Variants in STXBP4 observed in about 807,000 individuals in gnomAD.
The protein encoded by STXBP4 is syntaxin binding protein 4, also known as syntaxin-binding protein 4.
A neutral mutation model predicts 76.1 loss-of-function variants in STXBP4; 55 were observed. The observed-to-expected ratio is 0.72, with a 90% confidence interval of 0.58 to 0.91. The LOEUF is 0.91. Ranked by LOEUF, STXBP4 falls within the 40% of genes least tolerant of loss-of-function variation. STXBP4 has a pLI of 0.00. For synonymous variants in STXBP4, 201 were observed against 220.2 expected, an observed-to-expected ratio of 0.91 and a Z score of 0.77; for missense variants, 618 against 636.9, an observed-to-expected ratio of 0.97 and a Z score of 0.32.
chr17:55,000,174 C>T, intron 6 of STXBP4: 3 of 980,390 alleles, frequency 3.1e-6, no homozygotes, highest in Non-Finnish European at 3.6e-6. Flanking sequence ...TTTCTGTTCT[C>T]TGCTTGACTG....
chr17:55,192,744 C>A, the STXBP4 span, among the ~76,000 whole-genome samples: 4 of 152,172 alleles, frequency 2.6e-5, no homozygotes, highest in Admixed American at 6.5e-5. Context: ...GCCCATTTTA[C>A]TGATGAAAAT....
the STXBP4 span, among the ~76,000 whole-genome samples, chr17:55,187,466 G>T: frequency 6.6e-6 from 1 of 151,962 alleles, no homozygotes; most frequent in East Asian, 1.9e-4. Flanking sequence ...GTTCTATGGA[G>T]CCCATTCTTA....
intron 16 of STXBP4, among the ~76,000 whole-genome samples, chr17:55,131,903 T>C (rs1428198234): frequency 1.3e-5 from 2 of 152,092 alleles, no homozygotes. Flanking sequence ...TCTGGGACTA[T>C]AAGTGCATGC....
At chr17:55,054,490 A>G (rs547097382) in intron 12 of STXBP4, among the ~76,000 whole-genome samples, 15 of 152,300 alleles carry the variant, frequency 9.8e-5, no homozygotes, top group African/African-American at 3.4e-4. Flanking sequence ...CATCTCAAAA[A>G]CAAAACAAAA....
intron 16 of STXBP4, among the ~76,000 whole-genome samples, chr17:55,108,627 C>T (rs1450998921): frequency 6.6e-6 from 1 of 152,212 alleles, no homozygotes; most frequent in Non-Finnish European, 1.5e-5. Flanking sequence ...TTCCTCACGG[C>T]ACAGTCCCTC....
chr17:55,027,410 A>C (rs1322945996), intron 8 of STXBP4, among the ~76,000 whole-genome samples: 3 of 152,304 alleles, frequency 2.0e-5, no homozygotes, highest in East Asian at 3.9e-4. Context: ...TTGGAGACTC[A>C]GAAGGGGGAT....
intron 16 of STXBP4, among the ~76,000 whole-genome samples, chr17:55,123,414 C>A (rs2079868494): frequency 6.6e-6 from 1 of 152,086 alleles, no homozygotes; most frequent in Non-Finnish European, 1.5e-5. Flanking sequence ...AAATTACTAT[C>A]ACTGGTCAAA....
chr17:55,033,150 C>T (rs924059364), intron 9 of STXBP4, among the ~76,000 whole-genome samples: 16 of 151,942 alleles, frequency 1.1e-4, no homozygotes, highest in Admixed American at 3.9e-4. Flanking sequence ...AAGGTGGGTG[C>T]GTCACCTGAG....
intron 4 of STXBP4, among the ~76,000 whole-genome samples, chr17:54,998,301 C>T (rs538947639): frequency 6.6e-6 from 1 of 152,238 alleles, no homozygotes; most frequent in East Asian, 1.9e-4. Flanking sequence ...CCCTTTTTAA[C>T]CATATAAGCT....
rs2080388670 is a variant in STXBP4, at chr17:55,168,341, C to A, written c.*8430C>A. 6.6e-6 allele frequency: 1 copy of A among 152,072 alleles called. No homozygotes were observed. The highest frequency in any genetic ancestry group is 1.5e-5 in the Non-Finnish European group (1 of 67,998). The allele number at this position is 152,072 out of a possible 1,614,324, so 9.4% of individuals were successfully genotyped here. A position where few individuals can be genotyped will look rare whatever the true frequency, so the allele number is the denominator to read the frequency against. ...ATATGACCAAATACTGGTGGTTCCT[C>A]ATTTACCAGTAGAACTCTCTCTACA... is the stretch of plus-strand genomic sequence containing the variant. On this transcript the variant is annotated 3_prime_UTR_variant, in exon 18 of 18. Transcript: ENST00000376352.
chr17:55,114,909 T>G (rs753873316), intron 16 of STXBP4, among the ~76,000 whole-genome samples: 83 of 151,950 alleles, frequency 5.5e-4, no homozygotes, highest in Admixed American at 2.3e-3. Flanking sequence ...TTGCAATTAC[T>G]CTCCTGAATT....
chr17:55,056,053 G>A (rs749943560), intron 12 of STXBP4, among the ~76,000 whole-genome samples: 5 of 152,074 alleles, frequency 3.3e-5, no homozygotes, highest in Admixed American at 1.3e-4. Flanking sequence ...GGAAGTAACC[G>A]AAGATCAGAT....
At chr17:55,185,245 TCTTCTCCTTCTCCTTCTCCTTCTC>T in the STXBP4 span, among the ~76,000 whole-genome samples, 89 of 57,948 alleles carry the variant, frequency 1.5e-3, no homozygotes, top group South Asian at 2.7e-3. Flanking sequence ...TTCTTCTTCT[TCTTCTCCTTCTCCTTCTCCTTCTC>T]CTTCTCCTTC....
At chr17:55,033,578 T>G (rs1372280835) in intron 9 of STXBP4, among the ~76,000 whole-genome samples, 1 of 152,172 alleles carries the variant, frequency 6.6e-6, no homozygotes, top group East Asian at 1.9e-4. Flanking sequence ...GATACATAGA[T>G]GAGTAAGTTA....
chr17:55,043,773 A>G (rs1483560991), intron 11 of STXBP4: 8 of 812,472 alleles, frequency 9.8e-6, no homozygotes, highest in East Asian at 2.8e-5. Context: ...TTTAGAGAGG[A>G]AAAAAACACA....
intron 1 of STXBP4, among the ~76,000 whole-genome samples, chr17:54,978,509 C>T (rs2077502274): frequency 6.6e-6 from 1 of 152,144 alleles, no homozygotes; most frequent in Non-Finnish European, 1.5e-5. Context: ...CTTTGTGAAA[C>T]ACCAGATCTA....
chr17:55,148,550 T>C (rs1292480227), intron 17 of STXBP4, among the ~76,000 whole-genome samples: 5 of 152,082 alleles, frequency 3.3e-5, no homozygotes, highest in Non-Finnish European at 7.4e-5. Context: ...TTTTTTTTCT[T>C]TTTTTTGAGA....
At chr17:55,020,575 T>A (rs997319810) in intron 8 of STXBP4, among the ~76,000 whole-genome samples, 2 of 152,180 alleles carry the variant, frequency 1.3e-5, no homozygotes, top group Non-Finnish European at 2.9e-5. Context: ...CTCAGCACTT[T>A]GGGAGGCCAA....
At chr17:55,181,048 G>A in the STXBP4 span, among the ~76,000 whole-genome samples, 2 of 152,202 alleles carry the variant, frequency 1.3e-5, no homozygotes, top group African/African-American at 4.8e-5. Context: ...GACAGATGCA[G>A]GTTCACTTTG....
Sources: gnomAD v4.1 joint callset for allele counts (sites outside exome capture counted in the v4.1 genomes callset) on GRCh38, gnomAD v4.1.1 for gene constraint, MANE v1.5 for transcripts, NCBI Gene and HGNC (gene_info 2026-07-23, HGNC 2026-07-21) for gene names.